The following THSD7A variants were observed in gnomAD, a reference collection of about 807,000 sequenced individuals.
THSD7A encodes the protein thrombospondin type-1 domain-containing protein 7A.
In THSD7A, 96 loss-of-function variants were observed where a neutral mutation model predicts 231.3. The observed-to-expected ratio is 0.41, with a 90% CI of 0.35 to 0.49. The LOEUF is 0.49. Among genes scored for constraint, THSD7A ranks in the 20% least tolerant of loss-of-function variants. THSD7A has a pLI of 0.05. For missense variants in THSD7A, 2,290 were observed against 2,070.2 expected (o/e 1.11, Z -2.06); for synonymous variants, 940 against 743.3 (o/e 1.26, Z -4.30).
intron 6 of THSD7A, among the ~76,000 whole-genome samples, chr7:11,494,372 A>T (rs969284594): frequency 6.6e-6 from 1 of 152,052 alleles, no homozygotes; most frequent in Non-Finnish European, 1.5e-5. Flanking sequence ...ATTTCAAAAC[A>T]AAACAAGGAC....
intron 1 of THSD7A, among the ~76,000 whole-genome samples, chr7:11,807,977 C>T (rs1019174502): frequency 6.6e-6 from 1 of 152,060 alleles, no homozygotes; most frequent in Non-Finnish European, 1.5e-5. Context: ...GAAACTCACT[C>T]CCGTACCTGT....
At chr7:11,502,674 G>C (rs746335575) in intron 6 of THSD7A, among the ~76,000 whole-genome samples, 5 of 151,994 alleles carry the variant, frequency 3.3e-5, no homozygotes, top group Non-Finnish European at 7.4e-5. Context: ...CAACCAAACT[G>C]AGAACCAAAT....
Position 11,596,174 on chromosome 7 carries a change from T to A in THSD7A, c.1023-2672A>T, listed in dbSNP as rs919341923. ...GAACACCACTACATTATGGACAATTTATGCTGTTAATCTTTCTTCCATCCT... is the reference window on the plus strand; with the variant it reads ...GAACACCACTACATTATGGACAATTAATGCTGTTAATCTTTCTTCCATCCT... On this transcript the variant is annotated intron_variant, in intron 2 of 27. Coordinates refer to ENST00000423059, the MANE Select transcript of THSD7A (RefSeq NM_015204.3). Among the ~76,000 whole-genome samples, 3 of 152,196 alleles carry A rather than the reference T, an allele frequency of 2.0e-5. No individual in the cohort carries two copies. The South Asian group carries it at 6.2e-4, about 32-fold the overall frequency.
intron 16 of THSD7A, among the ~76,000 whole-genome samples, chr7:11,420,345 C>T (rs1018068959): frequency 4.6e-5 from 7 of 152,210 alleles, no homozygotes; most frequent in African/African-American, 1.7e-4. Flanking sequence ...TGGCACCTTG[C>T]AACCCAGTCT....
intron 6 of THSD7A, among the ~76,000 whole-genome samples, chr7:11,505,479 A>G (rs1440188556): frequency 2.0e-5 from 3 of 151,828 alleles, no homozygotes; most frequent in African/African-American, 7.3e-5. Flanking sequence ...AGATTTGAAC[A>G]GAAGACAAAA....
chr7:11,472,641 T>C (rs760813322), intron 8 of THSD7A, among the ~76,000 whole-genome samples: 42 of 152,176 alleles, frequency 2.8e-4, no homozygotes, highest in Non-Finnish European at 5.4e-4. Context: ...CACATGGGGC[T>C]TCAGGATACC....
At chr7:11,482,639 AGTGCTTAATATTT>A (rs1786477632) in intron 6 of THSD7A, among the ~76,000 whole-genome samples, 1 of 152,178 alleles carries the variant, frequency 6.6e-6, no homozygotes, top group South Asian at 2.1e-4. Flanking sequence ...ATGTCACTCC[AGTGCTTAATATTT>A]TTCATTAGTT....
chr7:11,467,468 C>T (rs143945111), intron 9 of THSD7A, among the ~76,000 whole-genome samples: 148 of 152,018 alleles, frequency 9.7e-4, no homozygotes, highest in African/African-American at 3.4e-3. Context: ...TAGTTATATA[C>T]AAAAATCAAT....
intron 1 of THSD7A, among the ~76,000 whole-genome samples, chr7:11,659,164 C>T (rs2128372398): frequency 6.6e-6 from 1 of 151,700 alleles, no homozygotes; most frequent in Admixed American, 6.6e-5. Flanking sequence ...GGCTTAGATC[C>T]CAGTTACACA....
intron 4 of THSD7A, among the ~76,000 whole-genome samples, chr7:11,561,243 T>C (rs145739141): frequency 6.6e-6 from 1 of 152,294 alleles, no homozygotes; most frequent in African/African-American, 2.4e-5. Flanking sequence ...TTATTTAATA[T>C]AGGTCATAAT....
intron 1 of THSD7A, among the ~76,000 whole-genome samples, chr7:11,640,384 T>C (rs900062912): frequency 1.3e-5 from 2 of 152,304 alleles, no homozygotes; most frequent in African/African-American, 4.8e-5. Flanking sequence ...CTTTAAGCCA[T>C]TGCAGTATAT....
At chr7:11,468,393 A>G (rs901210395) in intron 9 of THSD7A, among the ~76,000 whole-genome samples, 4 of 152,112 alleles carry the variant, frequency 2.6e-5, no homozygotes, top group Non-Finnish European at 5.9e-5. Context: ...CAGCTTAAAA[A>G]AAAAAAAAGG....
At chr7:11,602,877 G>C (rs916098665) in intron 2 of THSD7A, among the ~76,000 whole-genome samples, 1 of 150,668 alleles carries the variant, frequency 6.6e-6, no homozygotes, top group Non-Finnish European at 1.5e-5. Flanking sequence ...TAGGTCTAAC[G>C]TTGATGGATT....
intron 1 of THSD7A, among the ~76,000 whole-genome samples, chr7:11,824,489 A>T (rs1784968147): frequency 6.6e-6 from 1 of 152,114 alleles, no homozygotes; most frequent in Non-Finnish European, 1.5e-5. Context: ...AATCTAGATT[A>T]CGTGCCATCC....
At chr7:11,681,914 G>T (rs1783886654) in intron 1 of THSD7A, among the ~76,000 whole-genome samples, 2 of 151,722 alleles carry the variant, frequency 1.3e-5, no homozygotes, top group African/African-American at 4.8e-5. Context: ...AGACTTCTCA[G>T]CACAAACCTT....
chr7:11,617,688 T>A (rs1015095463), intron 2 of THSD7A, among the ~76,000 whole-genome samples: 12 of 152,194 alleles, frequency 7.9e-5, no homozygotes, highest in Non-Finnish European at 2.9e-5. Flanking sequence ...TTATTAGATG[T>A]TAATATTAGA....
intron 4 of THSD7A, among the ~76,000 whole-genome samples, chr7:11,568,920 T>G (rs1057344236): frequency 2.6e-5 from 4 of 151,426 alleles, no homozygotes; most frequent in African/African-American, 9.7e-5. Context: ...ATTGATGGCT[T>G]TTCTATACAT....
chr7:11,781,126 C>A (rs1028561764), intron 1 of THSD7A, among the ~76,000 whole-genome samples: 1 of 145,766 alleles, frequency 6.9e-6, no homozygotes, highest in African/African-American at 2.5e-5. Context: ...ATATGCTGTG[C>A]AAAACACTTC....
At chr7:11,416,204 A>G (rs1210808055) in intron 17 of THSD7A, among the ~76,000 whole-genome samples, 1 of 152,190 alleles carries the variant, frequency 6.6e-6, no homozygotes, top group Non-Finnish European at 1.5e-5. Flanking sequence ...AGCCTCAATA[A>G]TTCTTCTAAG....
Sources: gnomAD v4.1 joint callset for allele counts (sites outside exome capture counted in the v4.1 genomes callset) on GRCh38, gnomAD v4.1.1 for gene constraint, MANE v1.5 for transcripts, NCBI Gene and HGNC (gene_info 2026-07-23, HGNC 2026-07-21) for gene names.